GAB1: variants seen among roughly 807,000 people sequenced by gnomAD.
The protein encoded by GAB1 is GRB2-associated-binding protein 1.
GAB1 carries 19 observed loss-of-function variants against 66.5 expected under a neutral mutation model. The observed-to-expected ratio is 0.29, with a 90% CI of 0.20 to 0.42. GAB1 has a LOEUF of 0.42. Ranked by LOEUF, GAB1 falls within the 10% of genes least tolerant of loss-of-function variation. GAB1 has a pLI of 1.00. For missense variants in GAB1, 732 were observed against 858.5 expected (o/e 0.85, Z 1.84); for synonymous variants, 294 against 301.4 (o/e 0.98, Z 0.25).
chr4:143,342,244 G>C (rs1036956170), intron 1 of GAB1, among the ~76,000 whole-genome samples: 1 of 152,142 alleles, frequency 6.6e-6, no homozygotes, highest in Non-Finnish European at 1.5e-5. Context: ...CAGAATTACT[G>C]TTAGGAAGGT....
intron 1 of GAB1, among the ~76,000 whole-genome samples, chr4:143,388,643 G>A (rs1335806534): frequency 1.3e-5 from 2 of 152,076 alleles, no homozygotes; most frequent in African/African-American, 2.4e-5. Flanking sequence ...TCGAACTCCC[G>A]ACCTCAGGTG....
intron 2 of GAB1, among the ~76,000 whole-genome samples, chr4:143,427,469 A>G (rs1002149564): frequency 1.3e-5 from 2 of 152,122 alleles, no homozygotes; most frequent in Non-Finnish European, 2.9e-5. Flanking sequence ...GCGGGTAAAT[A>G]CAGCTAAAAA....
At chr4:143,451,435 CT>C (rs1734925263) in intron 6 of GAB1, among the ~76,000 whole-genome samples, 1 of 151,956 alleles carries the variant, frequency 6.6e-6, no homozygotes, top group Non-Finnish European at 1.5e-5. Flanking sequence ...TGAGTTTGGA[CT>C]TTATTCTGAG....
In GAB1 at chr4:143,373,857, G is replaced by GTAAATAAATAAATAAA. The variant is rs1231332592; in HGVS notation, c.72+36611_72+36612insAATAAATAAATAAATA. Among the ~76,000 whole-genome samples, 6 of 53,864 alleles carry GTAAATAAATAAATAAA rather than the reference G, an allele frequency of 1.1e-4. 1 individual carries two copies. Among genetic ancestry groups the GTAAATAAATAAATAAA allele is most frequent in the African/African-American group, 6.3e-4 (6 of 9,534 alleles). 35.3% of individuals were successfully genotyped at this position (53,864 alleles called of 152,430 possible). A position where few individuals can be genotyped will look rare whatever the true frequency, so the allele number is the denominator to read the frequency against. ...TCTCTCTCTCTCTCTCTCTCTCTCTGTAAATAAATAAATATATATATATAT... is the reference window on the plus strand; with the variant it reads ...TCTCTCTCTCTCTCTCTCTCTCTCTGTAAATAAATAAATAAATAAATAAATAAATATATATATATAT... On this transcript the variant is annotated intron_variant, in intron 1 of 9. Coordinates refer to ENST00000262994, the MANE Select transcript of GAB1 (RefSeq NM_002039.4).
chr4:143,395,276 C>T lies in GAB1; in HGVS notation c.73-20201C>T, dbSNP rs974721333. On this transcript the variant is annotated intron_variant, in intron 1 of 9. Coordinates refer to ENST00000262994, the MANE Select transcript of GAB1 (RefSeq NM_002039.4). ...AGGTAGACAGTTTTGTTTCTGGAACCACTATCCCTCCAGCGGCTAGAACAG... is the reference window on the plus strand; with the variant it reads ...AGGTAGACAGTTTTGTTTCTGGAACTACTATCCCTCCAGCGGCTAGAACAG... The T allele has an allele frequency of 2.0e-5, 3 of 152,196 alleles. No homozygotes were observed. In the East Asian group the frequency reaches 5.8e-4, roughly 29 times the overall value. The allele number at this position is 152,196 out of a possible 1,614,324, so 9.4% of individuals were successfully genotyped here.
chr4:143,450,748 A>G (rs1359749426), intron 6 of GAB1, among the ~76,000 whole-genome samples: 4 of 152,148 alleles, frequency 2.6e-5, no homozygotes, highest in Non-Finnish European at 5.9e-5. Context: ...AAAATTAGCC[A>G]GGCGTGGTGG....
intron 1 of GAB1, among the ~76,000 whole-genome samples, chr4:143,352,552 T>C (rs1729273967): frequency 6.6e-6 from 1 of 152,216 alleles, no homozygotes. Flanking sequence ...TCCTTAAACT[T>C]CAGTGTGCAT....
chr4:143,373,686 G>A (rs751334815), intron 1 of GAB1, among the ~76,000 whole-genome samples: 11 of 151,454 alleles, frequency 7.3e-5, no homozygotes, highest in Non-Finnish European at 1.0e-4. Flanking sequence ...AAAATTAGCC[G>A]GCCATGGTGG....
At chr4:143,368,011 C>T (rs1222193168) in intron 1 of GAB1, among the ~76,000 whole-genome samples, 2 of 152,118 alleles carry the variant, frequency 1.3e-5, no homozygotes, top group Non-Finnish European at 2.9e-5. Context: ...AGGCGTGAGC[C>T]ACTGCTGCTC....
chr4:143,447,472 G>A (rs1208394012), intron 6 of GAB1, among the ~76,000 whole-genome samples: 2 of 152,054 alleles, frequency 1.3e-5, no homozygotes, highest in Admixed American at 1.3e-4. Context: ...TTATTTCTTT[G>A]AGCAGTGGTT....
Position 143,451,199 on chromosome 4 carries a change from G to A in GAB1, c.1586-8186G>A, listed in dbSNP as rs1195830889. ...GCTCCCCTGAGGAAAGTCTGAGAGT[G>A]TGAGTGGCAATTAAATGATGGTAGG... On this transcript the variant is annotated intron_variant, in intron 6 of 9. Coordinates refer to ENST00000262994, the MANE Select transcript of GAB1 (RefSeq NM_002039.4). Among the ~76,000 whole-genome samples the A allele has an allele frequency of 2.6e-5, 4 of 152,248 alleles. No individual in the cohort carries two copies. In the East Asian group the frequency reaches 7.7e-4, roughly 29 times the overall value.
chr4:143,378,420 A>G (rs150132641), intron 1 of GAB1, among the ~76,000 whole-genome samples: 3 of 152,230 alleles, frequency 2.0e-5, no homozygotes, highest in Non-Finnish European at 4.4e-5. Context: ...AATATACAAT[A>G]TATGTTCTGG....
rs756988560 is a variant in GAB1 at position 143,337,221 on chromosome 4, G to A, written c.33G>A (p.Trp11Ter). MSGGEVVCSG[W>*]LRKSPPEKKL... ...GTGGTGAAGTGGTCTGCTCCGGATGGCTCCGCAAGTCCCCCCCGGAGAAAA... is the reference window on the plus strand; with the variant it reads ...GTGGTGAAGTGGTCTGCTCCGGATGACTCCGCAAGTCCCCCCCGGAGAAAA... Residue 11 changes from tryptophan to a stop codon, truncating the protein, a stop_gained, in exon 1 of 10, where the codon TGG becomes TGA. Coordinates refer to ENST00000262994, the MANE Select transcript of GAB1 (RefSeq NM_002039.4). LOFTEE classifies it high-confidence loss of function. 6.3e-7 allele frequency: 1 copy of A among 1,586,560 alleles called. No homozygotes were observed. Among genetic ancestry groups the A allele is most frequent in the South Asian group, 1.2e-5 (1 of 86,928 alleles).
chr4:143,342,444 TGA>T (rs1728851107), intron 1 of GAB1, among the ~76,000 whole-genome samples: 1 of 152,124 alleles, frequency 6.6e-6, no homozygotes. Context: ...CAGCGTTTTT[TGA>T]GAGTAAGTAA....
chr4:143,337,326 C>A, intron 1 of GAB1, 66 bp downstream of exon 1: 1 of 1,413,302 alleles, frequency 7.1e-7, no homozygotes, highest in Non-Finnish European at 9.8e-7. Flanking sequence ...GTCGGCTCGC[C>A]GGCGGCTGCA....
intron 1 of GAB1, among the ~76,000 whole-genome samples, chr4:143,340,589 C>T (rs191260905): frequency 6.1e-4 from 93 of 152,292 alleles, no homozygotes; most frequent in African/African-American, 2.1e-3. Flanking sequence ...CGGCTCACTG[C>T]AACCTCTGCC....
At chr4:143,373,304 A>G (rs1730226915) in intron 1 of GAB1, among the ~76,000 whole-genome samples, 2 of 152,358 alleles carry the variant, frequency 1.3e-5, no homozygotes, top group African/African-American at 4.8e-5. Flanking sequence ...AACTTCATCT[A>G]GGTGTTTAAT....
chr4:143,404,725 G>A (rs1731952341), intron 1 of GAB1, among the ~76,000 whole-genome samples: 1 of 152,214 alleles, frequency 6.6e-6, no homozygotes, highest in Non-Finnish European at 1.5e-5. Context: ...CACACAGCCT[G>A]AGCAACAGAG....
At chr4:143,346,663 C>T (rs1729001490) in intron 1 of GAB1, among the ~76,000 whole-genome samples, 1 of 152,194 alleles carries the variant, frequency 6.6e-6, no homozygotes, top group African/African-American at 2.4e-5. Flanking sequence ...ACCCTCTACC[C>T]TCTGGCAAAG....
Sources: allele counts gnomAD v4.1 joint callset (sites outside exome capture counted in the v4.1 genomes callset), GRCh38; gene constraint gnomAD v4.1.1; transcripts MANE v1.5; gene names NCBI Gene and HGNC (gene_info 2026-07-23, HGNC 2026-07-21).